The following ACOXL variants were observed in gnomAD, a reference collection of about 807,000 sequenced individuals.
ACOXL encodes acyl-coenzyme A oxidase-like protein.
A neutral mutation model predicts 71.9 loss-of-function variants in ACOXL; 70 were observed. That is an observed-to-expected ratio of 0.97 (90% CI 0.80 to 1.19). ACOXL has a LOEUF of 1.19. ACOXL is among the 50% of genes most tolerant of loss of function. The pLI is 0.00. For missense variants in ACOXL, 703 were observed against 736.3 expected (o/e 0.95, Z 0.52); for synonymous variants, 253 against 281.6 (o/e 0.90, Z 1.02).
intron 11 of ACOXL, among the ~76,000 whole-genome samples, chr2:110,910,451 T>A (rs530732586): frequency 1.3e-5 from 2 of 152,236 alleles, no homozygotes; most frequent in Non-Finnish European, 2.9e-5. Flanking sequence ...AAGTGTTTCA[T>A]TTTTCTTAGA....
chr2:110,839,116 G>A (rs1306075153), intron 9 of ACOXL, among the ~76,000 whole-genome samples: 2 of 151,406 alleles, frequency 1.3e-5, no homozygotes, highest in Non-Finnish European at 2.9e-5. Flanking sequence ...CAGCTGTCAT[G>A]AACAACTTTT....
At chr2:110,774,637 G>A (rs1054337159) in intron 2 of ACOXL, among the ~76,000 whole-genome samples, 1 of 152,154 alleles carries the variant, frequency 6.6e-6, no homozygotes, top group Non-Finnish European at 1.5e-5. Context: ...GACTGTACAT[G>A]GAAAACTACA....
intron 5 of ACOXL, among the ~76,000 whole-genome samples, chr2:110,797,331 T>C (rs1685403335): frequency 6.6e-6 from 1 of 152,224 alleles, no homozygotes; most frequent in African/African-American, 2.4e-5. Context: ...CATGGTACAT[T>C]CTAAGATTTT....
intron 16 of ACOXL, among the ~76,000 whole-genome samples, chr2:111,081,793 CA>C (rs1361648301): frequency 6.6e-6 from 1 of 152,158 alleles, no homozygotes; most frequent in Non-Finnish European, 1.5e-5. Context: ...CTACAGTAAC[CA>C]AAACAGCATG....
At chr2:110,904,553 T>C (rs771860163) in intron 10 of ACOXL, among the ~76,000 whole-genome samples, 12 of 152,086 alleles carry the variant, frequency 7.9e-5, no homozygotes, top group Admixed American at 3.3e-4. Flanking sequence ...TGTTTTAAAA[T>C]GTAGGTTGTA....
rs145955915 is a variant in ACOXL, at chr2:110,805,324, T to C, written c.682T>C (p.Phe228Leu). Reference protein sequence around the residue: ...HSPIRNKSARFNAMLAALTPS... With the variant: ...HSPIRNKSARLNAMLAALTPS... ...GCCTATTAGGAACAAGAGTGCAAGA[T>C]TCAATGCCATGCTGGCAGCACTGAC... The change falls in exon 9 of 18, where the codon TTC becomes CTC. Residue 228 changes from phenylalanine (F) to leucine (L), a missense_variant. Coordinates refer to ENST00000439055, the MANE Select transcript of ACOXL (RefSeq NM_001142807.4). 97 of 1,614,102 alleles carry C rather than the reference T, an allele frequency of 6.0e-5. 1 individual carries two copies. Among genetic ancestry groups the C allele is most frequent in the African/African-American group, 5.7e-4 (43 of 74,936 alleles).
At chr2:111,100,579 TGACTGTC>T (rs2150047396) in intron 17 of ACOXL, 1 of 153,332 alleles carries the variant, frequency 6.5e-6, no homozygotes, top group Admixed American at 6.5e-5. Context: ...ATTTGAGTCA[TGACTGTC>T]AACTCTGAGA....
At chr2:110,828,374 C>T (rs1689414470) in intron 9 of ACOXL, among the ~76,000 whole-genome samples, 1 of 152,160 alleles carries the variant, frequency 6.6e-6, no homozygotes, top group Non-Finnish European at 1.5e-5. Flanking sequence ...TAGATTATTT[C>T]CTTAGGGACA....
rs763217979 is a variant in ACOXL, at chr2:110,987,118, G to A, written c.1070G>A (p.Arg357Gln). The A allele has an allele frequency of 1.1e-5, 18 of 1,568,106 alleles. No individual in the cohort carries two copies. Among genetic ancestry groups the A allele is most frequent in the East Asian group, 4.6e-5 (2 of 43,058 alleles). The stretch of plus-strand genomic sequence containing the variant: ...AAACTCTTTGCACAGGTTGTGGGGC[G>A]GGAACTGCTGGCCCAATACACCAAA... ...RECTGGMVVG[R>Q]ELLAQYTKQY... Residue 357 changes from arginine (R) to glutamine (Q), a missense_variant, in exon 13 of 18, where the codon CGG (arginine) becomes CAG (glutamine). Transcript: ENST00000439055.
chr2:110,765,345 A>G (rs527336356), intron 1 of ACOXL, among the ~76,000 whole-genome samples: 2 of 152,108 alleles, frequency 1.3e-5, no homozygotes, highest in Non-Finnish European at 2.9e-5. Context: ...GGAAGTTTTT[A>G]GCTATTATAT....
At chr2:111,053,582 A>T (rs780278378) in intron 16 of ACOXL, among the ~76,000 whole-genome samples, 1 of 152,096 alleles carries the variant, frequency 6.6e-6, no homozygotes, top group Non-Finnish European at 1.5e-5. Flanking sequence ...CCCCACTCCC[A>T]CTAGGATTGT....
chr2:111,078,021 G>A (rs2067691220), intron 16 of ACOXL, among the ~76,000 whole-genome samples: 3 of 152,008 alleles, frequency 2.0e-5, no homozygotes, highest in Non-Finnish European at 4.4e-5. Flanking sequence ...CTCTCCTTCC[G>A]TGATTCCAAT....
At position 110,799,072 on chromosome 2, in the gene ACOXL, C is replaced by G; in HGVS notation, c.519C>G (p.Val173=). The G allele has an allele frequency of 5.6e-6, 9 of 1,613,836 alleles. No homozygotes were observed. Among genetic ancestry groups the G allele is most frequent in the Non-Finnish European group, 7.6e-6 (9 of 1,179,858 alleles). The change falls in exon 7 of 18, where the codon GTC becomes GTG. Residue 173 remains valine, a synonymous_variant. Transcript: ENST00000439055. ...RDENGSLYPG[V]TAIDMMYKEG... ...AAAACGGAAGCTTGTACCCAGGAGT[C>G]ACAGCTATTGATATGATGTACAAGG...
chr2:111,084,957 A>G (rs2068131784), intron 16 of ACOXL, among the ~76,000 whole-genome samples: 1 of 152,132 alleles, frequency 6.6e-6, no homozygotes. Flanking sequence ...CATACTTTAA[A>G]CCAACAAAAA....
At chr2:110,974,940 A>G (rs966438834) in intron 12 of ACOXL, among the ~76,000 whole-genome samples, 1 of 152,084 alleles carries the variant, frequency 6.6e-6, no homozygotes, top group African/African-American at 2.4e-5. Flanking sequence ...CTCAGCCGAG[A>G]TGTGGTTTGG....
chr2:110,849,500 G>A (rs767487815), intron 10 of ACOXL, among the ~76,000 whole-genome samples: 2 of 152,246 alleles, frequency 1.3e-5, no homozygotes, highest in African/African-American at 2.4e-5. Context: ...GTTCACGCCT[G>A]TAATCCCAGC....
intron 16 of ACOXL, among the ~76,000 whole-genome samples, chr2:111,071,730 C>T (rs1183514024): frequency 6.6e-6 from 1 of 152,188 alleles, no homozygotes; most frequent in Non-Finnish European, 1.5e-5. Flanking sequence ...TTATGCAGCT[C>T]AGGCCATGGA....
At chr2:110,751,074 G>A (rs868681724) in intron 1 of ACOXL, among the ~76,000 whole-genome samples, 11 of 151,966 alleles carry the variant, frequency 7.2e-5, no homozygotes, top group Admixed American at 3.9e-4. Context: ...CGAGGCAGGC[G>A]GATCATGAGG....
Position 110,805,273 on chromosome 2 carries a change from G to A in ACOXL, c.631G>A (p.Val211Met), listed in dbSNP as rs762071917. 8.1e-6 allele frequency: 13 copies of A among 1,614,088 alleles called. No individual in the cohort carries two copies. Among genetic ancestry groups the A allele is most frequent in the Admixed American group, 1.7e-5 (1 of 60,014 alleles). The change falls in exon 9 of 18, where the codon GTG becomes ATG. Residue 211 changes from valine (V) to methionine (M), a missense_variant. Transcript: ENST00000439055. ...RENLLDKFGS[V>M]APDGQYHSPI... The stretch of plus-strand genomic sequence containing the variant: ...CTCTCTTTTCCACAGGTTTGGTTCC[G>A]TGGCTCCAGATGGACAGTACCATTC...
Sources: gnomAD v4.1 joint callset for allele counts (sites outside exome capture counted in the v4.1 genomes callset) on GRCh38, gnomAD v4.1.1 for gene constraint, MANE v1.5 for transcripts, NCBI Gene and HGNC (gene_info 2026-07-23, HGNC 2026-07-21) for gene names.